FBRSL1: variants seen among roughly 807,000 people sequenced by gnomAD.
FBRSL1 encodes the protein fibrosin-1-like protein.
In FBRSL1, 51 loss-of-function variants were observed where a neutral mutation model predicts 89.6. The ratio of observed to expected loss-of-function variants is 0.57; its 90% CI spans 0.45 to 0.72. FBRSL1 has a LOEUF of 0.72. FBRSL1 is among the 30% of genes least tolerant of loss of function. The probability of loss-of-function intolerance (pLI) is 0.00; values close to 1 mark genes in which losing one functional copy is unlikely to be tolerated. For synonymous variants in FBRSL1, 779 were observed against 681.1 expected (o/e 1.14, Z -2.24); for missense variants, 1,618 against 1,451.8 (o/e 1.11, Z -1.86).
At chr12:132,510,933 C>G in intron 2 of FBRSL1, 1 of 995,916 alleles carries the variant, frequency 1.0e-6, no homozygotes, top group South Asian at 4.7e-5. Context: ...GCGCGTGAGC[C>G]TGGTGTGTGC....
At chr12:132,506,842 G>A (rs941007720) in intron 1 of FBRSL1, among the ~76,000 whole-genome samples, 2 of 152,260 alleles carry the variant, frequency 1.3e-5, no homozygotes, top group African/African-American at 2.4e-5. Flanking sequence ...AGCATATGGC[G>A]GGAGCTGGGC....
intron 1 of FBRSL1, among the ~76,000 whole-genome samples, chr12:132,496,231 A>G (rs1176463080): frequency 6.6e-6 from 1 of 151,948 alleles, no homozygotes; most frequent in Non-Finnish European, 1.5e-5. Flanking sequence ...CTCCTTCCCC[A>G]CTAGGCTCTC....
chr12:132,570,397 G>T lies in FBRSL1; in HGVS notation c.1070G>T (p.Gly357Val). ...KHVSLSPHGP[G>V]PHLSTSHLAL... ...GTGTCGCTGTCGCCACACGGGCCGG[G>T]CCCCCACCTGTCTACCTCACACCTG... Residue 357 changes from glycine to valine, a missense_variant, in exon 8 of 19, where the codon GGC becomes GTC. Physicochemically the swap from Gly to Val is moderately radical, Grantham distance 109. Transcript: ENST00000680143. 2.0e-6 allele frequency: 3 copies of T among 1,534,530 alleles called. No individual in the cohort carries two copies. Among genetic ancestry groups the T allele is most frequent in the Non-Finnish European group, 2.6e-6 (3 of 1,145,652 alleles).
chr12:132,526,428 A>T (rs1458193497), intron 3 of FBRSL1, among the ~76,000 whole-genome samples: 1 of 152,238 alleles, frequency 6.6e-6, no homozygotes, highest in African/African-American at 2.4e-5. Flanking sequence ...AGGAAGTCAC[A>T]TTCTGGGCAC....
intron 5 of FBRSL1, among the ~76,000 whole-genome samples, chr12:132,562,298 T>C (rs2039196776): frequency 1.3e-5 from 2 of 151,734 alleles, no homozygotes. Flanking sequence ...CTTCTTTCTT[T>C]GTAACAAGCC....
intron 5 of FBRSL1, among the ~76,000 whole-genome samples, chr12:132,556,631 G>A (rs1467185572): frequency 7.6e-6 from 1 of 131,440 alleles, no homozygotes; most frequent in African/African-American, 2.9e-5. Flanking sequence ...CCTGTGGGAC[G>A]CTCCTCTCCA....
At position 132,569,874 on chromosome 12, in the gene FBRSL1, G is replaced by A. The variant is rs558941565; in HGVS notation, c.692-52G>A. On this transcript the variant is annotated intron_variant, in intron 6 of 18. Coordinates refer to ENST00000680143, the MANE Select transcript of FBRSL1 (RefSeq NM_001367871.1). ...TACCAGGGCTCCCTGGGCCACAGGA[G>A]GGGCAGGGACGAGGCCCTGCTGGTC... 5.9e-5 allele frequency: 76 copies of A among 1,291,420 alleles called. No individual in the cohort carries two copies. The African/African-American group carries it at 1.1e-3, about 19-fold the overall frequency. 80.0% of individuals were successfully genotyped at this position (1,291,420 alleles called of 1,614,324 possible). A position where few individuals can be genotyped will look rare whatever the true frequency, so the allele number is the denominator to read the frequency against.
At chr12:132,501,398 G>C (rs2032936198) in intron 1 of FBRSL1, among the ~76,000 whole-genome samples, 1 of 152,216 alleles carries the variant, frequency 6.6e-6, no homozygotes, top group Non-Finnish European at 1.5e-5. Context: ...AAGAGGCTCT[G>C]TGTGTCCCAG....
intron 16 of FBRSL1, 62 bp from the exon 17 acceptor site, chr12:132,581,679 G>C: frequency 1.3e-6 from 2 of 1,527,800 alleles, no homozygotes; most frequent in South Asian, 1.2e-5. Context: ...GCCCCCACTG[G>C]GCCAGGTGGG....
intron 2 of FBRSL1, among the ~76,000 whole-genome samples, chr12:132,514,925 A>G (rs2034700730): frequency 6.6e-6 from 1 of 152,084 alleles, no homozygotes; most frequent in African/African-American, 2.4e-5. Flanking sequence ...CATCTTTTTT[A>G]CTCTTTTTTT....
Position 132,581,483 on chromosome 12 carries a change from C to T in FBRSL1, c.1879C>T (p.Pro627Ser), listed in dbSNP as rs1052498043. 6.4e-6 allele frequency: 10 copies of T among 1,551,032 alleles called. No individual in the cohort carries two copies. The highest frequency in any genetic ancestry group is 7.0e-6 in the Non-Finnish European group (8 of 1,146,954). ...CAACCCATTTGGACCCTCAGCCCATCCTGGCAGCTTCCTGCCCACTGGCCC... is the reference window on the plus strand; with the variant it reads ...CAACCCATTTGGACCCTCAGCCCATTCTGGCAGCTTCCTGCCCACTGGCCC... ...ASNPFGPSAH[P>S]GSFLPTGPLT... The change falls in exon 16 of 19, where the codon CCT becomes TCT. Residue 627 changes from proline to serine, a missense_variant. Physicochemically the swap from Pro to Ser is moderately conservative, Grantham distance 74. Transcript: ENST00000680143.
chr12:132,574,556 A>C lies in FBRSL1; in HGVS notation c.1693A>C (p.Lys565Gln). Residue 565 changes from lysine (K) to glutamine (Q), a missense_variant, in exon 14 of 19, where the codon AAG (lysine) becomes CAG (glutamine). Coordinates refer to ENST00000680143, the MANE Select transcript of FBRSL1 (RefSeq NM_001367871.1). ...CTGGCAGATCTACCGTCACCAGCAG[A>C]AGATAAAGGTGAGACCACCTGGGCT... ...IAWQIYRHQQ[K>Q]IKEMQLDPHK... The C allele has an allele frequency of 6.5e-7, 1 of 1,549,818 alleles. No individual in the cohort carries two copies. Among genetic ancestry groups the C allele is most frequent in the Non-Finnish European group, 8.7e-7 (1 of 1,146,778 alleles).
intron 2 of FBRSL1, chr12:132,510,504 C>G: frequency 8.1e-7 from 1 of 1,231,934 alleles, no homozygotes; most frequent in East Asian, 3.2e-5. Context: ...GATCTGCACC[C>G]TGGCAGGGCC....
At chr12:132,531,645 T>A (rs578190808) in intron 4 of FBRSL1, among the ~76,000 whole-genome samples, 2 of 152,294 alleles carry the variant, frequency 1.3e-5, no homozygotes, top group South Asian at 4.1e-4. Context: ...TGGCGTTGCG[T>A]GTTGTGCACT....
intron 1 of FBRSL1, among the ~76,000 whole-genome samples, chr12:132,502,930 C>T (rs2033199078): frequency 6.6e-6 from 1 of 151,018 alleles, no homozygotes; most frequent in African/African-American, 2.4e-5. Flanking sequence ...CCCGTCCTGG[C>T]ACCACTCCAT....
Position 132,563,280 on chromosome 12 carries a change from T to C in FBRSL1, c.646-4201T>C, listed in dbSNP as rs191775863. ...CCTGGCCCCCACAGCCTGCATCCCA[T>C]GTCTGGCCCCCACGTCTGGCCCCCC... On this transcript the variant is annotated intron_variant, in intron 5 of 18. Coordinates refer to ENST00000680143, the MANE Select transcript of FBRSL1 (RefSeq NM_001367871.1). Among the ~76,000 whole-genome samples, 103 of 66,678 alleles carry C rather than the reference T, an allele frequency of 1.5e-3. 8 individuals carry two copies. The highest frequency in any genetic ancestry group is 5.3e-3 in the African/African-American group (84 of 15,900). 43.7% of individuals were successfully genotyped at this position (66,678 alleles called of 152,430 possible).
rs2040926213 is a variant in FBRSL1 at position 132,583,378 on chromosome 12, C to T, written c.2609C>T (p.Pro870Leu). 2.7e-6 allele frequency: 3 copies of T among 1,095,976 alleles called. No homozygotes were observed. The highest frequency in any genetic ancestry group is 3.3e-6 in the Non-Finnish European group (3 of 900,282). 67.9% of individuals were successfully genotyped at this position (1,095,976 alleles called of 1,614,324 possible). A position where few individuals can be genotyped will look rare whatever the true frequency, so the allele number is the denominator to read the frequency against. Reference protein sequence around the residue: ...LPRRAFPAAAPAPGSAALLEP... With the variant: ...LPRRAFPAAALAPGSAALLEP... ...CGTCGCGCCTTCCCCGCTGCCGCCC[C>T]CGCCCCGGGCTCCGCCGCCCTCTTG... The change falls in exon 19 of 19, where the codon CCC becomes CTC. Residue 870 changes from proline to leucine, a missense_variant. By Grantham distance (98) the Pro-to-Leu change is moderately conservative. Transcript: ENST00000680143.
Position 132,543,860 on chromosome 12 carries a change from C to T in FBRSL1, c.616-4143C>T, listed in dbSNP as rs548311129. ...CCCACTGCGGCTCTCACACCCAGCC[C>T]GGGATGGAGGTGGGGCAGATAGAGC... On this transcript the variant is annotated intron_variant, in intron 4 of 18. Coordinates refer to ENST00000680143, the MANE Select transcript of FBRSL1 (RefSeq NM_001367871.1). 1.3e-4 allele frequency among the ~76,000 whole-genome samples: 20 copies of T among 152,322 alleles called. No homozygotes were observed. The East Asian group carries it at 3.3e-3, about 25-fold the overall frequency.
At chr12:132,502,503 C>G (rs895613491) in intron 1 of FBRSL1, among the ~76,000 whole-genome samples, 1 of 152,140 alleles carries the variant, frequency 6.6e-6, no homozygotes, top group African/African-American at 2.4e-5. Flanking sequence ...GCAGGACTGA[C>G]CTCCAGGCCT....
Sources: allele counts gnomAD v4.1 joint callset (sites outside exome capture counted in the v4.1 genomes callset), GRCh38; gene constraint gnomAD v4.1.1; transcripts MANE v1.5; gene names NCBI Gene and HGNC (gene_info 2026-07-23, HGNC 2026-07-21).